GPR158: variants seen among roughly 807,000 people sequenced by gnomAD.
GPR158 encodes metabotropic glycine receptor.
Under a neutral mutation model 78.2 loss-of-function variants are expected in GPR158, and 30 were observed. The ratio of observed to expected loss-of-function variants is 0.38; its 90% CI spans 0.29 to 0.52. GPR158 has a LOEUF of 0.52. GPR158 is among the 20% of genes least tolerant of loss of function. The pLI is 0.83. For missense variants in GPR158, 1,463 were observed against 1,523.5 expected (o/e 0.96, Z 0.66); for synonymous variants, 581 against 591.1 (o/e 0.98, Z 0.25).
chr10:25,510,261 C>T (rs1588892506), intron 5 of GPR158, among the ~76,000 whole-genome samples: 1 of 151,986 alleles, frequency 6.6e-6, no homozygotes, highest in Non-Finnish European at 1.5e-5. Flanking sequence ...GATAGACAAC[C>T]AAGAGTGTTT....
chr10:25,224,047 TG>T (rs1478773395), intron 2 of GPR158, among the ~76,000 whole-genome samples: 2 of 152,088 alleles, frequency 1.3e-5, no homozygotes, highest in African/African-American at 4.8e-5. Context: ...TAGAAAGGCA[TG>T]GAATGGTTTG....
At chr10:25,405,300 A>G (rs1834497841) in intron 3 of GPR158, among the ~76,000 whole-genome samples, 1 of 152,006 alleles carries the variant, frequency 6.6e-6, no homozygotes, top group African/African-American at 2.4e-5. Context: ...TAACCCACAC[A>G]AAGACATTTC....
intron 5 of GPR158, among the ~76,000 whole-genome samples, chr10:25,498,954 C>T (rs1013669062): frequency 2.0e-5 from 3 of 152,074 alleles, no homozygotes; most frequent in African/African-American, 7.2e-5. Context: ...GCCTGCAGGG[C>T]CTCTTCTCGT....
intron 2 of GPR158, among the ~76,000 whole-genome samples, chr10:25,382,154 C>T (rs946940983): frequency 6.6e-6 from 1 of 152,208 alleles, no homozygotes; most frequent in East Asian, 1.9e-4. Flanking sequence ...CTGAAAGTGT[C>T]GAACATACAA....
At chr10:25,350,872 G>A (rs1008837992) in intron 2 of GPR158, among the ~76,000 whole-genome samples, 6 of 151,814 alleles carry the variant, frequency 4.0e-5, no homozygotes, top group East Asian at 1.9e-4. Flanking sequence ...TTTTTATTTC[G>A]TGGACTTGAA....
intron 2 of GPR158, among the ~76,000 whole-genome samples, chr10:25,242,129 C>G (rs539406407): frequency 7.0e-4 from 106 of 152,262 alleles, no homozygotes; most frequent in African/African-American, 2.4e-3. Context: ...CAGGAAAACC[C>G]AAAGGGGAGG....
At chr10:25,330,014 CT>C (rs58247937) in intron 2 of GPR158, among the ~76,000 whole-genome samples, 4,784 of 147,758 alleles carry the variant, frequency 0.032, 262 homozygotes, top group African/African-American at 0.11. Context: ...TGAGATAATT[CT>C]TTTTTTTTTT....
intron 1 of GPR158, among the ~76,000 whole-genome samples, chr10:25,184,580 C>T (rs1852655821): frequency 6.6e-6 from 1 of 152,234 alleles, no homozygotes; most frequent in Non-Finnish European, 1.5e-5. Context: ...CTAGAAACTA[C>T]AGCAACTTTT....
At chr10:25,424,670 G>C (rs1323702293) in intron 4 of GPR158, among the ~76,000 whole-genome samples, 1 of 151,530 alleles carries the variant, frequency 6.6e-6, no homozygotes, top group Non-Finnish European at 1.5e-5. Flanking sequence ...TTTTTGTCAG[G>C]TTTGTCAAAG....
chr10:25,432,013 TA>T (rs66505370), intron 4 of GPR158, among the ~76,000 whole-genome samples: 17,591 of 150,510 alleles, frequency 0.12, 1,057 homozygotes, highest in East Asian at 0.17. Flanking sequence ...AATAATAAAA[TA>T]AAAAAAAATG....
At chr10:25,449,435 T>C (rs984653520) in intron 4 of GPR158, among the ~76,000 whole-genome samples, 3 of 152,210 alleles carry the variant, frequency 2.0e-5, no homozygotes, top group Non-Finnish European at 2.9e-5. Flanking sequence ...AGGAAGTGAT[T>C]CTTATCAATG....
chr10:25,177,995 A>G (rs1364453609), intron 1 of GPR158, among the ~76,000 whole-genome samples: 1 of 152,052 alleles, frequency 6.6e-6, no homozygotes, highest in Non-Finnish European at 1.5e-5. Flanking sequence ...GATGCTATTC[A>G]CTGCCAGCAA....
Position 25,513,168 on chromosome 10 carries a change from AT to A in GPR158, c.1405-37796del, listed in dbSNP as rs571813298. Among the ~76,000 whole-genome samples the A allele has an allele frequency of 1.7e-3, 240 of 141,362 alleles. 2 individuals are homozygous for A. Among genetic ancestry groups the A allele is most frequent in the Middle Eastern group, 7.2e-3 (2 of 276 alleles). The allele number at this position is 141,362 out of a possible 152,430, so 92.7% of individuals were successfully genotyped here. ...CAGCTGTGAATTCATCTGGTCCTGG[AT>A]TTTTTTTTTTTGTTGGCAATTTTTT... On this transcript the variant is annotated intron_variant, in intron 5 of 10. Coordinates refer to ENST00000376351, the MANE Select transcript of GPR158 (RefSeq NM_020752.3).
At chr10:25,325,719 A>G (rs1056559478) in intron 2 of GPR158, among the ~76,000 whole-genome samples, 7 of 152,248 alleles carry the variant, frequency 4.6e-5, no homozygotes, top group African/African-American at 1.7e-4. Flanking sequence ...ACTAATTTAC[A>G]TTCCCACCAA....
Position 25,256,359 on chromosome 10 carries a change from A to G in GPR158, c.1008+35202A>G, listed in dbSNP as rs138749258. Among the ~76,000 whole-genome samples, 12 of 152,348 alleles carry G rather than the reference A, an allele frequency of 7.9e-5. No homozygotes were observed. The East Asian group carries it at 1.9e-3, about 24-fold the overall frequency. On this transcript the variant is annotated intron_variant, in intron 2 of 10. Transcript: ENST00000376351. ...ACATGGTAGAAACTGATCTTTAAAAATAGTGTGCTTGGCTGGGTGCAGTGG... is the reference window on the plus strand; with the variant it reads ...ACATGGTAGAAACTGATCTTTAAAAGTAGTGTGCTTGGCTGGGTGCAGTGG...
intron 5 of GPR158, among the ~76,000 whole-genome samples, chr10:25,487,236 A>G (rs1474730268): frequency 1.3e-5 from 2 of 152,090 alleles, no homozygotes; most frequent in Non-Finnish European, 2.9e-5. Context: ...ATCCAAAGCC[A>G]TATTTTCAAT....
At chr10:25,181,791 C>T (rs1852613112) in intron 1 of GPR158, among the ~76,000 whole-genome samples, 1 of 152,094 alleles carries the variant, frequency 6.6e-6, no homozygotes, top group Admixed American at 6.5e-5. Flanking sequence ...GATCTCAGGT[C>T]ACTGCATCCT....
At chr10:25,280,862 G>A (rs911068102) in intron 2 of GPR158, among the ~76,000 whole-genome samples, 2 of 152,106 alleles carry the variant, frequency 1.3e-5, no homozygotes, top group South Asian at 2.1e-4. Context: ...CAGGTTGGAC[G>A]TGGTGGCTCG....
At chr10:25,551,122 G>T (rs748402980) in intron 6 of GPR158, 37 bp downstream of exon 6, 1 of 1,151,588 alleles carries the variant, frequency 8.7e-7, no homozygotes, top group Non-Finnish European at 1.3e-6. Flanking sequence ...CTCATGGAAA[G>T]ATCAAACTAA....
Sources: gnomAD v4.1 joint callset for allele counts (sites outside exome capture counted in the v4.1 genomes callset) on GRCh38, gnomAD v4.1.1 for gene constraint, MANE v1.5 for transcripts, NCBI Gene and HGNC (gene_info 2026-07-23, HGNC 2026-07-21) for gene names.